SETD9: variants seen among roughly 807,000 people sequenced by gnomAD.
The protein encoded by SETD9 is SET domain containing 9.
SETD9 carries 37 observed loss-of-function variants against 36.4 expected under a neutral mutation model. The observed-to-expected ratio is 1.02, with a 90% CI of 0.78 to 1.34. The LOEUF (loss-of-function observed/expected upper bound fraction) is 1.34, where lower values mean the gene tolerates loss of function less well. Ranked by LOEUF, SETD9 falls within the 40% of genes most tolerant of loss-of-function variation. The pLI is 0.00. For missense variants in SETD9, 323 were observed against 353.2 expected, an observed-to-expected ratio of 0.91 and a Z score of 0.69; for synonymous variants, 128 against 132.9, an observed-to-expected ratio of 0.96 and a Z score of 0.26.
At chr5:56,914,995 C>A in intron 5 of SETD9, 29 bp downstream of exon 5, 1 of 1,506,506 alleles carries the variant, frequency 6.6e-7, no homozygotes, top group Non-Finnish European at 9.1e-7. Flanking sequence ...CATTTCATAT[C>A]TTCTGCTTAT....
chr5:56,922,873 G>A (rs1226545832), intron 5 of SETD9: 5 of 457,532 alleles, frequency 1.1e-5, no homozygotes, highest in Admixed American at 7.0e-5. Context: ...AGATGAGGAA[G>A]AGAGAAGCAG....
downstream of SETD9, chr5:56,919,587 A>T (rs1749567374): frequency 6.6e-6 from 1 of 152,556 alleles, no homozygotes; most frequent in African/African-American, 2.4e-5. Flanking sequence ...GCAAATATTC[A>T]CACAAACCAA....
At chr5:56,910,830 G>T (rs946553303) in intron 1 of SETD9, 3 of 183,320 alleles carry the variant, frequency 1.6e-5, no homozygotes, top group Admixed American at 1.6e-4. Context: ...GCTGAACTTC[G>T]TTTCTGCCTC....
At chr5:56,914,470 CT>C (rs1329831834) in intron 4 of SETD9, among the ~76,000 whole-genome samples, 2 of 151,968 alleles carry the variant, frequency 1.3e-5, no homozygotes, top group Non-Finnish European at 2.9e-5. Context: ...AAGCCTGACT[CT>C]TTTATTAGTA....
At chr5:56,910,842 G>T in intron 1 of SETD9, 1 of 189,510 alleles carries the variant, frequency 5.3e-6, no homozygotes, top group Non-Finnish European at 1.1e-5. Flanking sequence ...TTCTGCCTCT[G>T]GCTCTCCCAC....
In SETD9 at chr5:56,909,930, A is replaced by T. The variant is rs548020495; in HGVS notation, c.98+187A>T. ...CTGAGGCCTCGGAGGGGTTTAAGGA[A>T]CGCGGGCCAGAGGCGGGCGGGGCCG... is the stretch of plus-strand genomic sequence containing the variant. On this transcript the variant is annotated intron_variant, in intron 1 of 5. Coordinates refer to ENST00000285947, the MANE Select transcript of SETD9 (RefSeq NM_153706.4). 13 of 1,054,130 alleles carry T rather than the reference A, an allele frequency of 1.2e-5. 1 individual carries two copies. The East Asian group carries it at 3.8e-4, about 31-fold the overall frequency. 65.3% of individuals were successfully genotyped at this position (1,054,130 alleles called of 1,614,324 possible). A position where few individuals can be genotyped will look rare whatever the true frequency, so the allele number is the denominator to read the frequency against.
In SETD9 at chr5:56,909,599, G is replaced by T; in HGVS notation, c.-47G>T. On this transcript the variant is annotated 5_prime_UTR_variant, in exon 1 of 6. Transcript: ENST00000285947. ...CGGGCCGGGGCGGGCCCGAGGCCTC[G>T]ATCCGCCTTCCCCGCGCCGTCCTGG... The T allele has an allele frequency of 6.6e-7, 1 of 1,516,114 alleles. No homozygotes were observed. The highest frequency in any genetic ancestry group is 1.2e-5 in the South Asian group (1 of 83,248). 93.9% of individuals were successfully genotyped at this position (1,516,114 alleles called of 1,614,324 possible). A position where few individuals can be genotyped will look rare whatever the true frequency, so the allele number is the denominator to read the frequency against.
chr5:56,925,030 A>G (rs939750918), intron 5 of SETD9, among the ~76,000 whole-genome samples: 2 of 152,232 alleles, frequency 1.3e-5, no homozygotes, highest in South Asian at 2.1e-4. Flanking sequence ...TGCCTAAAAC[A>G]ATGTCTGGTA....
At chr5:56,911,642 T>C (rs1749137192) in intron 2 of SETD9, 106 bp downstream of exon 2, 1 of 1,229,558 alleles carries the variant, frequency 8.1e-7, no homozygotes, top group East Asian at 2.6e-5. Flanking sequence ...GGGATTAAAT[T>C]GGAAACTCGA....
Position 56,909,634 on chromosome 5 carries a change from C to G in SETD9, c.-12C>G, listed in dbSNP as rs1437549724. On this transcript the variant is annotated 5_prime_UTR_variant, in exon 1 of 6. Transcript: ENST00000285947. ...CCCCGCGCCGTCCTGGTCACGGCCC[C>G]GCGGGGCAGCCATGCCTGGCCGTCT... The G allele has an allele frequency of 1.3e-6, 2 of 1,599,466 alleles. No homozygotes were observed. The highest frequency in any genetic ancestry group is 1.7e-5 in the Admixed American group (1 of 59,026).
chr5:56,914,400 A>G (rs577981365), intron 4 of SETD9, among the ~76,000 whole-genome samples: 58 of 152,232 alleles, frequency 3.8e-4, no homozygotes, highest in Non-Finnish European at 1.3e-4. Flanking sequence ...CCCATAGGTA[A>G]AAGTTTGATT....
intron 1 of SETD9, chr5:56,910,283 C>T (rs1749046262): frequency 3.8e-6 from 5 of 1,303,998 alleles, no homozygotes; most frequent in Non-Finnish European, 5.1e-6. Flanking sequence ...AAGTACTTCA[C>T]GTGGTTAAAG....
rs528038541 is a variant in SETD9 at position 56,923,865 on chromosome 5, A to G, written c.813-1468A>G. 8 of 1,614,048 alleles carry G rather than the reference A, an allele frequency of 5.0e-6. No individual in the cohort carries two copies. In the East Asian group the frequency reaches 1.1e-4, roughly 22 times the overall value. ...AACACACCCCAGTAATTTTATGACTATATATTACAGTTAAAAGTAAGTCTT... is the reference window on the plus strand; with the variant it reads ...AACACACCCCAGTAATTTTATGACTGTATATTACAGTTAAAAGTAAGTCTT... On this transcript the variant is annotated intron_variant, in intron 5 of 5. Coordinates refer to the SETD9 transcript ENST00000628593.
intron 5 of SETD9, among the ~76,000 whole-genome samples, chr5:56,915,761 C>G (rs551490750): frequency 1.3e-5 from 2 of 151,448 alleles, no homozygotes; most frequent in Non-Finnish European, 2.9e-5. Context: ...CACAGGAATT[C>G]GAAACCAGCC....
intron 2 of SETD9, 150 bp downstream of exon 2, chr5:56,911,686 A>G: frequency 1.2e-6 from 1 of 807,894 alleles, no homozygotes; most frequent in Non-Finnish European, 1.8e-6. Context: ...TAATTCGGAA[A>G]TTAACTGTTT....
downstream of SETD9, among the ~76,000 whole-genome samples, chr5:56,918,176 TCTC>T (rs1394133946): frequency 6.6e-6 from 1 of 152,114 alleles, no homozygotes; most frequent in Non-Finnish European, 1.5e-5. Flanking sequence ...CAAGAGCTCC[TCTC>T]CTTTCTCCCC....
chr5:56,911,640 A>G, intron 2 of SETD9, 104 bp downstream of exon 2: 1 of 1,244,096 alleles, frequency 8.0e-7, no homozygotes, highest in Non-Finnish European at 1.1e-6. Context: ...AAGGGATTAA[A>G]TTGGAAACTC....
At chr5:56,920,207 A>G (rs1163871822), downstream of SETD9, 1 of 152,610 alleles carries the variant, frequency 6.6e-6, no homozygotes, top group African/African-American at 2.4e-5. Context: ...ACAGTATTCT[A>G]CATCCTTCAA....
At chr5:56,910,489 C>T in intron 1 of SETD9, 13 of 1,059,486 alleles carry the variant, frequency 1.2e-5, no homozygotes, top group Non-Finnish European at 1.6e-5. Context: ...AGTCAGTGTC[C>T]GACAAATAGG....
Sources: gnomAD v4.1 joint callset for allele counts (sites outside exome capture counted in the v4.1 genomes callset) on GRCh38, gnomAD v4.1.1 for gene constraint, MANE v1.5 for transcripts, NCBI Gene and HGNC (gene_info 2026-07-23, HGNC 2026-07-21) for gene names.